The following INSR variants were observed in gnomAD, a reference collection of about 807,000 sequenced individuals.
INSR encodes the protein insulin receptor.
Under a neutral mutation model 142.6 loss-of-function variants are expected in INSR, and 67 were observed. The observed-to-expected ratio is 0.47, with a 90% CI of 0.39 to 0.58. The LOEUF is 0.58. Among genes scored for constraint, INSR ranks in the 20% least tolerant of loss-of-function variants. The pLI is 0.00. For synonymous variants in INSR, 756 were observed against 743.1 expected, an observed-to-expected ratio of 1.02 and a Z score of -0.28; for missense variants, 1,248 against 1,833.2, an observed-to-expected ratio of 0.68 and a Z score of 5.83.
intron 11 of INSR, 32 bp from the exon 12 acceptor site, chr19:7,143,122 C>A: frequency 6.2e-7 from 1 of 1,611,406 alleles, no homozygotes; most frequent in African/African-American, 1.4e-5. Context: ...TATGATGACA[C>A]CATCACCATC....
At chr19:7,206,591 T>C (rs916150105) in intron 2 of INSR, among the ~76,000 whole-genome samples, 10 of 152,314 alleles carry the variant, frequency 6.6e-5, no homozygotes, top group African/African-American at 2.4e-4. Flanking sequence ...GGATCTGGGT[T>C]GCACGCTCTT....
At chr19:7,148,538 C>T (rs1451840319) in intron 11 of INSR, among the ~76,000 whole-genome samples, 2 of 122,554 alleles carry the variant, frequency 1.6e-5, no homozygotes, top group Non-Finnish European at 3.2e-5. Context: ...AATGCAGTGG[C>T]GAGATCTCGG....
At chr19:7,170,776 G>A in intron 5 of INSR, 25 bp from the exon 6 acceptor site, 3 of 1,553,902 alleles carry the variant, frequency 1.9e-6, no homozygotes, top group South Asian at 1.1e-5. Flanking sequence ...CACACATCTA[G>A]TCATTCAACG....
chr19:7,185,606 G>A (rs1206384327), intron 2 of INSR, among the ~76,000 whole-genome samples: 1 of 152,054 alleles, frequency 6.6e-6, no homozygotes, highest in East Asian at 1.9e-4. Context: ...AATTTGGGAG[G>A]TCGAGGCGGG....
intron 2 of INSR, among the ~76,000 whole-genome samples, chr19:7,208,202 G>A (rs1310528260): frequency 6.6e-6 from 1 of 152,008 alleles, no homozygotes; most frequent in Non-Finnish European, 1.5e-5. Context: ...CCGCCCACTC[G>A]CTCTTCTTGG....
intron 1 of INSR, among the ~76,000 whole-genome samples, chr19:7,285,857 G>T (rs1232945576): frequency 2.6e-5 from 4 of 152,028 alleles, no homozygotes; most frequent in Non-Finnish European, 5.9e-5. Flanking sequence ...AGGGAGTTTG[G>T]ACAACAACGA....
At chr19:7,268,154 T>C (rs968664377) in intron 1 of INSR, among the ~76,000 whole-genome samples, 3 of 152,068 alleles carry the variant, frequency 2.0e-5, no homozygotes, top group Non-Finnish European at 4.4e-5. Flanking sequence ...TCACCACCTC[T>C]GAAATGATGC....
At position 7,159,653 on chromosome 19, in the gene INSR, T is replaced by A. The variant is rs1041092135; in HGVS notation, c.2029+3379A>T. On this transcript the variant is annotated intron_variant, in intron 9 of 21. Coordinates refer to ENST00000302850, the MANE Select transcript of INSR (RefSeq NM_000208.4). This position sits in a 1 kb window ranked among gnomAD's most constrained non-coding sequence, Gnocchi z 4.3. The stretch of plus-strand genomic sequence containing the variant: ...CTGATGACTGGACTCGCCCTGGAGT[T>A]ATATAAAGCATCAGAGCAGATAAAT... 1 of 152,128 alleles carries A rather than the reference T, an allele frequency of 6.6e-6. No homozygotes were observed. The highest frequency in any genetic ancestry group is 1.5e-5 in the Non-Finnish European group (1 of 68,056). 9.4% of individuals were successfully genotyped at this position (152,128 alleles called of 1,614,324 possible). A position where few individuals can be genotyped will look rare whatever the true frequency, so the allele number is the denominator to read the frequency against.
rs1437020904 is a variant in INSR, at chr19:7,153,002, A to C, written c.2030-75T>G. 4,867 of 638,690 alleles carry C rather than the reference A, an allele frequency of 7.6e-3. 64 individuals are homozygous for C. Among genetic ancestry groups the C allele is most frequent in the African/African-American group, 0.017 (621 of 35,922 alleles). 39.6% of individuals were successfully genotyped at this position (638,690 alleles called of 1,614,324 possible). On this transcript the variant is annotated intron_variant, in intron 9 of 21. Coordinates refer to ENST00000302850, the MANE Select transcript of INSR (RefSeq NM_000208.4). ...ACATACACACACACACACACCCCAC[A>C]CACACACACACCACACACACACACC...
intron 1 of INSR, among the ~76,000 whole-genome samples, chr19:7,269,943 C>A (rs908741958): frequency 6.6e-6 from 1 of 151,950 alleles, no homozygotes. Flanking sequence ...CTCATTGTTT[C>A]TATGAAATTC....
intron 2 of INSR, among the ~76,000 whole-genome samples, chr19:7,202,735 A>G (rs1048712813): frequency 6.6e-6 from 1 of 152,120 alleles, no homozygotes; most frequent in Non-Finnish European, 1.5e-5. Context: ...TCCTGACCTC[A>G]GGTGATCCGC....
chr19:7,217,352 C>T (rs985516277), intron 2 of INSR, among the ~76,000 whole-genome samples: 2 of 152,084 alleles, frequency 1.3e-5, no homozygotes, highest in African/African-American at 4.8e-5. Flanking sequence ...CTAGGATCAT[C>T]CCCCCGTCTC....
intron 13 of INSR, among the ~76,000 whole-genome samples, chr19:7,137,856 A>G (rs936391018): frequency 2.1e-5 from 3 of 146,246 alleles, no homozygotes; most frequent in African/African-American, 7.5e-5. Context: ...TCCTGGATCC[A>G]GCCATGTGAG....
At position 7,150,750 on chromosome 19, in the gene INSR, C is replaced by G. The variant is rs1973316054; in HGVS notation, c.2232-218G>C. Among the ~76,000 whole-genome samples the G allele has an allele frequency of 6.6e-6, 1 of 152,186 alleles. No homozygotes were observed. Among genetic ancestry groups the G allele is most frequent in the South Asian group, 2.1e-4 (1 of 4,828 alleles). On this transcript the variant is annotated intron_variant, in intron 10 of 21. Transcript: ENST00000302850. The surrounding 1 kb of genome is among the most constrained non-coding windows in gnomAD (Gnocchi z 4.2). ...AGGGGAAGAAATCAGAGAAAATTCT[C>G]CCCAGAGACGGCCTGCTGAGGTGGC... is the stretch of plus-strand genomic sequence containing the variant.
At chr19:7,194,615 C>T (rs1042063171) in intron 2 of INSR, among the ~76,000 whole-genome samples, 28 of 141,542 alleles carry the variant, frequency 2.0e-4, no homozygotes, top group Admixed American at 5.9e-4. Flanking sequence ...TGGGTTCAAG[C>T]GATTCTCCTG....
At chr19:7,145,804 T>C (rs1002784688) in intron 11 of INSR, among the ~76,000 whole-genome samples, 2 of 152,262 alleles carry the variant, frequency 1.3e-5, no homozygotes, top group East Asian at 3.8e-4. Flanking sequence ...TTTCTGTTTC[T>C]TGTCTTATTA....
intron 14 of INSR, 30 bp from the exon 15 acceptor site, chr19:7,128,984 A>C (rs190946319): frequency 6.5e-7 from 1 of 1,527,794 alleles, no homozygotes; most frequent in East Asian, 2.3e-5. Flanking sequence ...TATATGTTTC[A>C]TATCAATGTG....
chr19:7,174,541 G>A (rs1224056892), intron 4 of INSR, 42 bp downstream of exon 4: 1 of 1,611,266 alleles, frequency 6.2e-7, no homozygotes, highest in African/African-American at 1.3e-5. Flanking sequence ...GAGGGACATG[G>A]AGCCCAACAG....
Position 7,192,206 on chromosome 19 carries a change from G to C in INSR, c.653-7569C>G, listed in dbSNP as rs983990969. On this transcript the variant is annotated intron_variant, in intron 2 of 21. Coordinates refer to ENST00000302850, the MANE Select transcript of INSR (RefSeq NM_000208.4). The surrounding 1 kb of genome is among the most constrained non-coding windows in gnomAD (Gnocchi z 4.2). ...AAAAGAAAAAAGAAAGAAAAAGAAA[G>C]AAAGGAGAAAGAAAAGAAAGAGAAA... 1.5e-5 allele frequency among the ~76,000 whole-genome samples: 2 copies of C among 135,678 alleles called. No individual in the cohort carries two copies. Among genetic ancestry groups the C allele is most frequent in the African/African-American group, 5.4e-5 (2 of 36,768 alleles). The allele number at this position is 135,678 out of a possible 152,430, so 89.0% of individuals were successfully genotyped here. A position where few individuals can be genotyped will look rare whatever the true frequency, so the allele number is the denominator to read the frequency against.
Sources: allele counts gnomAD v4.1 joint callset (sites outside exome capture counted in the v4.1 genomes callset), GRCh38; gene constraint gnomAD v4.1.1; non-coding constraint Gnocchi (gnomAD v3.1); transcripts MANE v1.5; gene names NCBI Gene and HGNC (gene_info 2026-07-23, HGNC 2026-07-21).